APBA2: variants seen among roughly 807,000 people sequenced by gnomAD.
APBA2 encodes the protein amyloid beta precursor protein binding family A member 2.
APBA2 carries 30 observed loss-of-function variants against 75.0 expected under a neutral mutation model. The observed-to-expected ratio is 0.40, with a 90% confidence interval of 0.30 to 0.54. The LOEUF is 0.54. Ranked by LOEUF, APBA2 falls within the 20% of genes least tolerant of loss-of-function variation. The probability of loss-of-function intolerance (pLI) is 0.49; values close to 1 mark genes in which losing one functional copy is unlikely to be tolerated. For missense variants in APBA2, 801 were observed against 1,016.1 expected, an observed-to-expected ratio of 0.79 and a Z score of 2.88; for synonymous variants, 444 against 409.6, an observed-to-expected ratio of 1.08 and a Z score of -1.01.
At chr15:28,902,598 C>T (rs912790475) in intron 1 of APBA2, among the ~76,000 whole-genome samples, 3 of 152,022 alleles carry the variant, frequency 2.0e-5, no homozygotes, top group African/African-American at 7.3e-5. Context: ...AATGGTGGAT[C>T]GAGATTCATT....
Position 28,918,874 on chromosome 15 carries a change from T to G in APBA2, c.-204-2766T>G, listed in dbSNP as rs886090312. 6.6e-6 allele frequency among the ~76,000 whole-genome samples: 1 copy of G among 151,926 alleles called. No homozygotes were observed. Among genetic ancestry groups the G allele is most frequent in the African/African-American group, 2.4e-5 (1 of 41,366 alleles). ...TTGTGGGGATTATTATTTTTTTTTT[T>G]TTGTAGACGGAGTCGCGCTCTGTCT... On this transcript the variant is annotated intron_variant, in intron 1 of 14. Transcript: ENST00000683413. This position sits in a 1 kb window ranked among gnomAD's most constrained non-coding sequence, Gnocchi z 4.2.
At chr15:29,062,741 CA>C (rs140067803) in intron 4 of APBA2, among the ~76,000 whole-genome samples, 2,309 of 152,302 alleles carry the variant, frequency 0.015, 74 homozygotes, top group African/African-American at 0.053. Flanking sequence ...CCTCTCCCCT[CA>C]AACACACCCT....
chr15:29,049,560 G>A (rs2041499323), intron 3 of APBA2, among the ~76,000 whole-genome samples: 1 of 152,134 alleles, frequency 6.6e-6, no homozygotes, highest in Non-Finnish European at 1.5e-5. Flanking sequence ...TCTGGCTGAG[G>A]ACAGCCTATC....
At chr15:29,067,553 G>A (rs2042431742) in intron 4 of APBA2, among the ~76,000 whole-genome samples, 1 of 152,138 alleles carries the variant, frequency 6.6e-6, no homozygotes, top group East Asian at 1.9e-4. Context: ...TGGCAGGAGT[G>A]GAAGGAACAG....
chr15:28,932,929 G>A (rs1346456246), intron 2 of APBA2, among the ~76,000 whole-genome samples: 4 of 152,134 alleles, frequency 2.6e-5, no homozygotes, highest in Non-Finnish European at 2.9e-5. Context: ...ATAATGAACA[G>A]AACATTATTT....
chr15:29,098,187 A>G (rs970946770), intron 8 of APBA2, among the ~76,000 whole-genome samples: 2 of 152,174 alleles, frequency 1.3e-5, no homozygotes, highest in African/African-American at 4.8e-5. Context: ...TTGCTGGATC[A>G]CATGGTGGTT....
At chr15:29,048,006 G>A (rs574576826) in intron 3 of APBA2, among the ~76,000 whole-genome samples, 1 of 152,106 alleles carries the variant, frequency 6.6e-6, no homozygotes, top group Non-Finnish European at 1.5e-5. Context: ...TAAATAGGAA[G>A]ATTTTTTTGG....
chr15:28,900,881 A>G (rs1188315373), intron 1 of APBA2, among the ~76,000 whole-genome samples: 1 of 152,154 alleles, frequency 6.6e-6, no homozygotes, highest in Non-Finnish European at 1.5e-5. Flanking sequence ...TGTAAATTGT[A>G]TATTTACAAC....
chr15:29,035,545 A>G (rs2040703277), intron 3 of APBA2, among the ~76,000 whole-genome samples: 1 of 152,116 alleles, frequency 6.6e-6, no homozygotes, highest in Non-Finnish European at 1.5e-5. Context: ...CCATGTGATG[A>G]TTAACTGTAG....
intron 4 of APBA2, among the ~76,000 whole-genome samples, chr15:29,061,545 C>T (rs1332338799): frequency 6.6e-6 from 1 of 152,248 alleles, no homozygotes; most frequent in African/African-American, 2.4e-5. Context: ...AAAATCAATA[C>T]ATGGTAGCCA....
intron 2 of APBA2, among the ~76,000 whole-genome samples, chr15:28,961,881 A>G (rs940284858): frequency 3.9e-5 from 6 of 152,196 alleles, no homozygotes; most frequent in South Asian, 2.1e-4. Flanking sequence ...CTCTAATTCT[A>G]TCATTTTCTT....
At chr15:28,965,056 CCCAAAGCTCTTT>C in intron 2 of APBA2, among the ~76,000 whole-genome samples, 1 of 151,902 alleles carries the variant, frequency 6.6e-6, no homozygotes, top group East Asian at 1.9e-4. Context: ...TCATTAAGGT[CCCAAAGCTCTTT>C]CCTTTGATTT....
chr15:29,001,802 C>T (rs895189131), intron 3 of APBA2, among the ~76,000 whole-genome samples: 1 of 152,118 alleles, frequency 6.6e-6, no homozygotes, highest in Non-Finnish European at 1.5e-5. Flanking sequence ...TTCATCAACA[C>T]CCTTTTTTTT....
At chr15:29,040,074 C>T (rs2040957398) in intron 3 of APBA2, among the ~76,000 whole-genome samples, 1 of 152,188 alleles carries the variant, frequency 6.6e-6, no homozygotes, top group Non-Finnish European at 1.5e-5. Flanking sequence ...AAGAGGAACG[C>T]TGCAAGCTGA....
At chr15:28,932,561 C>A (rs1311781143) in intron 2 of APBA2, among the ~76,000 whole-genome samples, 2 of 152,222 alleles carry the variant, frequency 1.3e-5, no homozygotes, top group Non-Finnish European at 2.9e-5. Context: ...AAGCCTGTGG[C>A]AGGACAGCCA....
chr15:28,955,793 G>C (rs2036136550), intron 2 of APBA2, among the ~76,000 whole-genome samples: 1 of 152,246 alleles, frequency 6.6e-6, no homozygotes, highest in South Asian at 2.1e-4. Context: ...TGGGTTCCCT[G>C]AGGGTCGGGC....
chr15:28,985,756 G>A (rs1231236888), intron 2 of APBA2, among the ~76,000 whole-genome samples: 2 of 152,186 alleles, frequency 1.3e-5, no homozygotes, highest in African/African-American at 4.8e-5. Context: ...AACTGGATCC[G>A]GTTGACTCTG....
chr15:28,946,377 C>T (rs8033464), intron 2 of APBA2, among the ~76,000 whole-genome samples: 25,860 of 151,924 alleles, frequency 0.17, 3,053 homozygotes, highest in African/African-American at 0.34. Flanking sequence ...GGTGCTGTGA[C>T]GATGGAAGTG....
intron 2 of APBA2, among the ~76,000 whole-genome samples, chr15:28,938,427 G>C (rs1482641596): frequency 6.6e-6 from 1 of 152,116 alleles, no homozygotes; most frequent in Non-Finnish European, 1.5e-5. Flanking sequence ...TTTTGTGTGG[G>C]ACTTGCTGTT....
Sources: allele counts gnomAD v4.1 joint callset (sites outside exome capture counted in the v4.1 genomes callset), GRCh38; gene constraint gnomAD v4.1.1; non-coding constraint Gnocchi (gnomAD v3.1); transcripts MANE v1.5; gene names NCBI Gene and HGNC (gene_info 2026-07-23, HGNC 2026-07-21).